Variants in PTPRD observed in about 807,000 individuals in gnomAD.
The protein encoded by PTPRD is protein tyrosine phosphatase receptor type D.
A neutral mutation model predicts 214.5 loss-of-function variants in PTPRD; 34 were observed. The observed-to-expected ratio is 0.16, with a 90% CI of 0.12 to 0.21. PTPRD has a LOEUF of 0.21. Among genes scored for constraint, PTPRD ranks in the 10% least tolerant of loss-of-function variants. The pLI is 1.00. For missense variants in PTPRD, 2,545 were observed against 2,398.7 expected, an observed-to-expected ratio of 1.06 and a Z score of -1.27; for synonymous variants, 1,128 against 845.7, an observed-to-expected ratio of 1.33 and a Z score of -5.79.
intron 30 of PTPRD, among the ~76,000 whole-genome samples, chr9:8,477,778 T>G (rs2096794767): frequency 6.6e-6 from 1 of 152,162 alleles, no homozygotes; most frequent in South Asian, 2.1e-4. Context: ...CTACTTCTTT[T>G]GGAGTTTTAA....
At chr9:9,696,751 C>T (rs554743195) in intron 7 of PTPRD, among the ~76,000 whole-genome samples, 3 of 152,014 alleles carry the variant, frequency 2.0e-5, no homozygotes, top group African/African-American at 7.2e-5. Context: ...TTTCTTTATT[C>T]GTTCAGACAC....
intron 7 of PTPRD, among the ~76,000 whole-genome samples, chr9:9,641,993 T>C (rs187959862): frequency 2.0e-5 from 3 of 151,686 alleles, no homozygotes; most frequent in Admixed American, 6.6e-5. Flanking sequence ...TTATTCACAA[T>C]AGCAAAGACT....
At chr9:10,325,502 A>G (rs1316703843) in intron 3 of PTPRD, among the ~76,000 whole-genome samples, 1 of 151,938 alleles carries the variant, frequency 6.6e-6, no homozygotes, top group African/African-American at 2.4e-5. Context: ...TACTCTCTTA[A>G]TTACAAGGAA....
At chr9:10,549,080 T>G (rs1294632295) in intron 2 of PTPRD, among the ~76,000 whole-genome samples, 1 of 152,180 alleles carries the variant, frequency 6.6e-6, no homozygotes, top group Non-Finnish European at 1.5e-5. Context: ...ATTATATTAA[T>G]TACATCAACT....
chr9:10,165,863 G>C (rs1191209524), intron 3 of PTPRD, among the ~76,000 whole-genome samples: 1 of 150,690 alleles, frequency 6.6e-6, no homozygotes, highest in African/African-American at 2.4e-5. Flanking sequence ...TTAAAGGCAT[G>C]AGTTCTGTAA....
intron 11 of PTPRD, among the ~76,000 whole-genome samples, chr9:8,858,828 C>T (rs930802017): frequency 7.3e-6 from 1 of 136,426 alleles, no homozygotes; most frequent in Non-Finnish European, 1.6e-5. Context: ...CACACACACA[C>T]ATACACACAC....
intron 9 of PTPRD, among the ~76,000 whole-genome samples, chr9:9,329,347 T>A (rs948296592): frequency 1.7e-4 from 26 of 152,318 alleles, no homozygotes; most frequent in Admixed American, 1.4e-3. Context: ...CCCCATTTCA[T>A]CTTTTCATAA....
intron 7 of PTPRD, among the ~76,000 whole-genome samples, chr9:9,666,899 T>C (rs560371752): frequency 6.6e-6 from 1 of 151,838 alleles, no homozygotes; most frequent in East Asian, 1.9e-4. Context: ...TATGGATACA[T>C]TGTTGTATTT....
chr9:10,038,663 C>T (rs1224052385), intron 3 of PTPRD, among the ~76,000 whole-genome samples: 3 of 152,060 alleles, frequency 2.0e-5, no homozygotes, highest in Non-Finnish European at 2.9e-5. Context: ...GAACAGACTG[C>T]CTGCACACTT....
chr9:8,940,725 A>T (rs1897678), intron 11 of PTPRD, among the ~76,000 whole-genome samples: 73,486 of 151,602 alleles, frequency 0.48, 18,306 homozygotes, highest in East Asian at 0.76. Flanking sequence ...ATCTTTCCCA[A>T]GCCAATAATT....
rs1208487802 is a variant in PTPRD at position 8,314,255 on chromosome 9, C to T, written c.*3619G>A. 4.8e-6 allele frequency: 1 copy of T among 209,856 alleles called. No homozygotes were observed. Among genetic ancestry groups the T allele is most frequent in the African/African-American group, 2.3e-5 (1 of 43,966 alleles). The allele number at this position is 209,856 out of a possible 1,614,324, so 13.0% of individuals were successfully genotyped here. A position where few individuals can be genotyped will look rare whatever the true frequency, so the allele number is the denominator to read the frequency against. Reference sequence around the variant, plus strand: ...AAGCAAAGGCCAGGGCTGCATAACACTGACATTTTTATTAGAATTCATTTG... The same window carrying T: ...AAGCAAAGGCCAGGGCTGCATAACATTGACATTTTTATTAGAATTCATTTG... On this transcript the variant is annotated 3_prime_UTR_variant, in exon 46 of 46. Transcript: ENST00000381196.
intron 4 of PTPRD, among the ~76,000 whole-genome samples, chr9:9,946,597 T>A (rs138270238): frequency 4.4e-4 from 67 of 152,156 alleles, no homozygotes; most frequent in African/African-American, 1.6e-3. Flanking sequence ...AAGGGAAACA[T>A]ATTCTTTCCT....
At chr9:9,129,026 A>C (rs1042052242) in intron 10 of PTPRD, among the ~76,000 whole-genome samples, 1 of 152,258 alleles carries the variant, frequency 6.6e-6, no homozygotes, top group African/African-American at 2.4e-5. Flanking sequence ...ATTCTTCCAC[A>C]GATGTCCACA....
At chr9:8,839,917 C>T (rs1322616617) in intron 11 of PTPRD, among the ~76,000 whole-genome samples, 2 of 152,102 alleles carry the variant, frequency 1.3e-5, no homozygotes, top group African/African-American at 2.4e-5. Context: ...AACTGATGTA[C>T]TGAATAGCAA....
At chr9:8,920,462 C>T (rs1182150439) in intron 11 of PTPRD, among the ~76,000 whole-genome samples, 8 of 152,088 alleles carry the variant, frequency 5.3e-5, no homozygotes, top group Non-Finnish European at 1.0e-4. Flanking sequence ...GATTAATAAA[C>T]AAACCCAGCC....
chr9:10,245,549 G>A (rs548705876), intron 3 of PTPRD, among the ~76,000 whole-genome samples: 5 of 152,240 alleles, frequency 3.3e-5, no homozygotes, highest in South Asian at 4.1e-4. Flanking sequence ...TGGTGCACTC[G>A]CTCTTTTCAT....
chr9:10,075,563 T>C (rs112815108), intron 3 of PTPRD, among the ~76,000 whole-genome samples: 9 of 152,096 alleles, frequency 5.9e-5, no homozygotes, highest in African/African-American at 1.9e-4. Context: ...TTTTAATCAG[T>C]TTTGTTCACT....
intron 14 of PTPRD, among the ~76,000 whole-genome samples, chr9:8,582,491 T>A (rs1293153207): frequency 1.3e-5 from 2 of 152,126 alleles, no homozygotes; most frequent in Non-Finnish European, 2.9e-5. Flanking sequence ...TGTGAAACTA[T>A]TTTTTTCAAT....
At chr9:10,064,343 T>A (rs2097838644) in intron 3 of PTPRD, among the ~76,000 whole-genome samples, 2 of 152,006 alleles carry the variant, frequency 1.3e-5, no homozygotes, top group Non-Finnish European at 2.9e-5. Context: ...TAAATTTGAA[T>A]AATAGATATT....
Sources: gnomAD v4.1 joint callset for allele counts (sites outside exome capture counted in the v4.1 genomes callset) on GRCh38, gnomAD v4.1.1 for gene constraint, MANE v1.5 for transcripts, NCBI Gene and HGNC (gene_info 2026-07-23, HGNC 2026-07-21) for gene names.